The following AGAP1 variants were observed in gnomAD, a reference collection of about 807,000 sequenced individuals.
AGAP1 encodes ArfGAP with GTPase domain, ankyrin repeat and PH domain 1.
A neutral mutation model predicts 105.3 loss-of-function variants in AGAP1; 29 were observed. The ratio of observed to expected loss-of-function variants is 0.28; its 90% CI spans 0.21 to 0.38. AGAP1 has a LOEUF of 0.38. Among genes scored for constraint, AGAP1 ranks in the 10% least tolerant of loss-of-function variants. The probability of loss-of-function intolerance (pLI) is 1.00; values close to 1 mark genes in which losing one functional copy is unlikely to be tolerated. For synonymous variants in AGAP1, 509 were observed against 485.9 expected, an observed-to-expected ratio of 1.05 and a Z score of -0.63; for missense variants, 998 against 1,165.1, an observed-to-expected ratio of 0.86 and a Z score of 2.09.
intron 13 of AGAP1, among the ~76,000 whole-genome samples, chr2:235,975,254 G>T (rs894642832): frequency 6.6e-6 from 1 of 152,104 alleles, no homozygotes; most frequent in South Asian, 2.1e-4. Flanking sequence ...TTTTACCTGA[G>T]GACTTTTTTT....
Position 235,714,736 on chromosome 2 carries a change from T to C in AGAP1, c.223-2821T>C, listed in dbSNP as rs868222526. On this transcript the variant is annotated intron_variant, in intron 2 of 17. Transcript: ENST00000304032. The surrounding 1 kb of genome is among the most constrained non-coding windows in gnomAD (Gnocchi z 4.1). Reference sequence around the variant, plus strand: ...GGTGGCCTGTAAATCACTGAGAACCTTTTTTCCACACTGTCATGCCAAATT... The same window carrying C: ...GGTGGCCTGTAAATCACTGAGAACCCTTTTTCCACACTGTCATGCCAAATT... 1.4e-4 allele frequency among the ~76,000 whole-genome samples: 21 copies of C among 152,120 alleles called. No homozygotes were observed. Among genetic ancestry groups the C allele is most frequent in the African/African-American group, 4.8e-4 (20 of 41,428 alleles).
chr2:235,898,660 A>G (rs546556911), intron 10 of AGAP1, among the ~76,000 whole-genome samples: 24 of 152,304 alleles, frequency 1.6e-4, no homozygotes, highest in Admixed American at 1.5e-3. Context: ...GTGAGAGCTA[A>G]CATTTATGGA....
rs140987996 is a variant in AGAP1 at position 235,983,997 on chromosome 2, C to T, written c.1645+15374C>T. ...ATTCACAGTGCTGGACAACCATGAC[C>T]GCCATTCCCAAAACATTTTCTTCAC... On this transcript the variant is annotated intron_variant, in intron 13 of 17. Transcript: ENST00000304032. The surrounding 1 kb of genome is among the most constrained non-coding windows in gnomAD (Gnocchi z 4.5). Among the ~76,000 whole-genome samples, 6 of 152,296 alleles carry T rather than the reference C, an allele frequency of 3.9e-5. No homozygotes were observed. Among genetic ancestry groups the T allele is most frequent in the Non-Finnish European group, 8.8e-5 (6 of 68,026 alleles).
rs1950212891 is a variant in AGAP1 at position 235,700,855 on chromosome 2, T to G, written c.164-8324T>G. 6.7e-6 allele frequency among the ~76,000 whole-genome samples: 1 copy of G among 148,270 alleles called. No homozygotes were observed. Among genetic ancestry groups the G allele is most frequent in the Non-Finnish European group, 1.5e-5 (1 of 67,348 alleles). ...TAGTATATATTATATATGTATATATTGTATACTCTACATAGTATATATTTA... is the reference window on the plus strand; with the variant it reads ...TAGTATATATTATATATGTATATATGGTATACTCTACATAGTATATATTTA... On this transcript the variant is annotated intron_variant, in intron 1 of 17. Transcript: ENST00000304032. This position sits in a 1 kb window ranked among gnomAD's most constrained non-coding sequence, Gnocchi z 6.1.
chr2:236,085,817 G>A (rs1409161223), intron 16 of AGAP1, among the ~76,000 whole-genome samples: 1 of 152,222 alleles, frequency 6.6e-6, no homozygotes, highest in Non-Finnish European at 1.5e-5. Context: ...TGGCCCAGCC[G>A]GCTTCCTTTG....
At chr2:235,702,369 C>G (rs548009564) in intron 1 of AGAP1, among the ~76,000 whole-genome samples, 1 of 152,302 alleles carries the variant, frequency 6.6e-6, no homozygotes, top group South Asian at 2.1e-4. Context: ...CTCTGAAATC[C>G]CGAGGAAGGA....
intron 12 of AGAP1, among the ~76,000 whole-genome samples, chr2:235,938,935 C>T (rs1048993803): frequency 1.3e-5 from 2 of 152,130 alleles, no homozygotes; most frequent in African/African-American, 4.8e-5. Flanking sequence ...CGCTAGAGAT[C>T]TAGTCCATTT....
chr2:235,646,029 C>T (rs774731995), intron 1 of AGAP1, among the ~76,000 whole-genome samples: 1 of 152,068 alleles, frequency 6.6e-6, no homozygotes, highest in Non-Finnish European at 1.5e-5. Flanking sequence ...GTAATCCCAG[C>T]ACTTTAGGAG....
chr2:236,099,221 G>C (rs1381567447), intron 16 of AGAP1, among the ~76,000 whole-genome samples: 1 of 152,102 alleles, frequency 6.6e-6, no homozygotes. Flanking sequence ...GGGAGGCCGA[G>C]GGAGGCGGAT....
intron 9 of AGAP1, among the ~76,000 whole-genome samples, chr2:235,849,128 T>C (rs1245643742): frequency 1.3e-5 from 2 of 152,224 alleles, no homozygotes; most frequent in Admixed American, 1.3e-4. Context: ...CGCCTTGCAA[T>C]AAAAGATGTC....
chr2:235,573,460 C>G (rs921178244), intron 1 of AGAP1, among the ~76,000 whole-genome samples: 1 of 152,094 alleles, frequency 6.6e-6, no homozygotes, highest in African/African-American at 2.4e-5. Flanking sequence ...TGAGACTTAC[C>G]AAAACATTCA....
Position 235,620,959 on chromosome 2 carries a change from G to A in AGAP1, c.164-88220G>A, listed in dbSNP as rs1216449686. On this transcript the variant is annotated intron_variant, in intron 1 of 17. Transcript: ENST00000304032. The surrounding 1 kb of genome is among the most constrained non-coding windows in gnomAD (Gnocchi z 4.5). ...GTCTGTTGTGAGTTCAGGAGCCAGG[G>A]GGCTGCATCTGCGTGTTGGCTCTGC... Among the ~76,000 whole-genome samples the A allele has an allele frequency of 6.6e-6, 1 of 152,176 alleles. No homozygotes were observed. Among genetic ancestry groups the A allele is most frequent in the East Asian group, 1.9e-4 (1 of 5,186 alleles).
At position 235,705,973 on chromosome 2, in the gene AGAP1, A is replaced by T. The variant is rs1484101478; in HGVS notation, c.164-3206A>T. ...ATGAATAGAGCTCATTTTAATTCAC[A>T]GTTTACCCTCTTTGTTTTACTATTA... On this transcript the variant is annotated intron_variant, in intron 1 of 17. Coordinates refer to ENST00000304032, the MANE Select transcript of AGAP1 (RefSeq NM_001037131.3). The surrounding 1 kb of genome is among the most constrained non-coding windows in gnomAD (Gnocchi z 4.9). Among the ~76,000 whole-genome samples the T allele has an allele frequency of 6.6e-6, 1 of 152,218 alleles. No individual in the cohort carries two copies. The highest frequency in any genetic ancestry group is 2.4e-5 in the African/African-American group (1 of 41,462).
intron 1 of AGAP1, among the ~76,000 whole-genome samples, chr2:235,618,361 G>A (rs1435221077): frequency 3.3e-5 from 5 of 152,170 alleles, no homozygotes; most frequent in Admixed American, 6.5e-5. Flanking sequence ...TCTACAGAGT[G>A]AATGTGACTA....
rs756015105 is a variant in AGAP1 at position 235,663,891 on chromosome 2, G to A, written c.164-45288G>A. On this transcript the variant is annotated intron_variant, in intron 1 of 17. Coordinates refer to ENST00000304032, the MANE Select transcript of AGAP1 (RefSeq NM_001037131.3). This position sits in a 1 kb window ranked among gnomAD's most constrained non-coding sequence, Gnocchi z 5.4. ...TTACCAAATAGGCCTGTTCCCCTGT[G>A]CACCCAATACTAGGAAGATTAGATA... Among the ~76,000 whole-genome samples the A allele has an allele frequency of 6.6e-6, 1 of 152,188 alleles. No homozygotes were observed. The highest frequency in any genetic ancestry group is 2.4e-5 in the African/African-American group (1 of 41,454).
intron 1 of AGAP1, among the ~76,000 whole-genome samples, chr2:235,629,702 C>T (rs1946761017): frequency 6.9e-6 from 1 of 144,822 alleles, no homozygotes; most frequent in African/African-American, 2.6e-5. Context: ...GACCCTATCT[C>T]TACAATAAAT....
chr2:236,072,615 AATTT>A (rs1042657874), intron 16 of AGAP1: 4 of 152,118 alleles, frequency 2.6e-5, no homozygotes, highest in African/African-American at 9.7e-5. Context: ...AATTTAATTT[AATTT>A]ATTTATTTAT....
At chr2:236,024,992 C>T (rs1218015604) in intron 13 of AGAP1, among the ~76,000 whole-genome samples, 1 of 152,154 alleles carries the variant, frequency 6.6e-6, no homozygotes, top group Non-Finnish European at 1.5e-5. Context: ...AACAGTACAC[C>T]GTCTGTTACT....
intron 13 of AGAP1, among the ~76,000 whole-genome samples, chr2:236,015,629 C>G (rs2056671616): frequency 6.6e-6 from 1 of 152,124 alleles, no homozygotes; most frequent in South Asian, 2.1e-4. Context: ...CCACCACCAT[C>G]AGCCCAAGCG....
Sources: allele counts gnomAD v4.1 joint callset (sites outside exome capture counted in the v4.1 genomes callset), GRCh38; gene constraint gnomAD v4.1.1; non-coding constraint Gnocchi (gnomAD v3.1); transcripts MANE v1.5; gene names NCBI Gene and HGNC (gene_info 2026-07-23, HGNC 2026-07-21).